DPP6: variants seen among roughly 807,000 people sequenced by gnomAD.
DPP6 encodes A-type potassium channel modulatory protein DPP6.
A neutral mutation model predicts 122.6 loss-of-function variants in DPP6; 69 were observed. The ratio of observed to expected loss-of-function variants is 0.56; its 90% CI spans 0.46 to 0.69. DPP6 has a LOEUF of 0.69. DPP6 is among the 30% of genes least tolerant of loss of function. The probability of loss-of-function intolerance (pLI) is 0.00; values close to 1 mark genes in which losing one functional copy is unlikely to be tolerated. For synonymous variants in DPP6, 418 were observed against 433.1 expected (o/e 0.97, Z 0.43); for missense variants, 928 against 1,116.9 (o/e 0.83, Z 2.41).
intron 1 of DPP6, among the ~76,000 whole-genome samples, chr7:154,356,744 C>A (rs895840776): frequency 5.9e-5 from 9 of 152,006 alleles, no homozygotes; most frequent in Non-Finnish European, 5.9e-5. Flanking sequence ...CATTTTCCTG[C>A]AAATGTTTCT....
At chr7:154,723,662 C>A (rs1436141141) in intron 7 of DPP6, among the ~76,000 whole-genome samples, 2 of 152,158 alleles carry the variant, frequency 1.3e-5, no homozygotes, top group Non-Finnish European at 2.9e-5. Context: ...CAGATCCATC[C>A]CTCTGTGGGA....
intron 7 of DPP6, among the ~76,000 whole-genome samples, chr7:154,687,661 A>G (rs887938697): frequency 6.6e-6 from 1 of 152,038 alleles, no homozygotes; most frequent in Non-Finnish European, 1.5e-5. Context: ...TTTCACTCTT[A>G]TTTTGATATT....
chr7:153,884,745 C>T (rs917449888), upstream of DPP6, among the ~76,000 whole-genome samples: 12 of 151,836 alleles, frequency 7.9e-5, no homozygotes, highest in Non-Finnish European at 1.0e-4. Context: ...TTGGGGAGGC[C>T]GAGGTGGGCA....
intron 1 of DPP6, among the ~76,000 whole-genome samples, chr7:153,906,186 C>T (rs1585012026): frequency 6.6e-6 from 1 of 152,182 alleles, no homozygotes; most frequent in South Asian, 2.1e-4. Context: ...AAGAGCTAAG[C>T]ATTCTTTATT....
chr7:154,081,922 A>C (rs1286321240), intron 1 of DPP6, among the ~76,000 whole-genome samples: 2 of 152,168 alleles, frequency 1.3e-5, no homozygotes, highest in Non-Finnish European at 2.9e-5. Context: ...GTCATTACTG[A>C]AGACTTTCTG....
At chr7:154,083,024 A>G (rs1293515665) in intron 1 of DPP6, among the ~76,000 whole-genome samples, 1 of 150,748 alleles carries the variant, frequency 6.6e-6, no homozygotes, top group Admixed American at 6.6e-5. Context: ...AATTTTTTGT[A>G]TTTTTTAGTA....
chr7:154,593,356 C>T (rs1832913460), intron 5 of DPP6, among the ~76,000 whole-genome samples: 1 of 152,152 alleles, frequency 6.6e-6, no homozygotes. Flanking sequence ...GGAAAGCTAC[C>T]TTCCTAGGAT....
At chr7:153,945,012 T>C (rs56371849) in intron 1 of DPP6, among the ~76,000 whole-genome samples, 56,312 of 151,934 alleles carry the variant, frequency 0.37, 10,763 homozygotes, top group African/African-American at 0.45. Context: ...CTTTGCCCTG[T>C]CCAAGATGTG....
At chr7:153,796,243 T>C in the DPP6 span, among the ~76,000 whole-genome samples, 3 of 130,554 alleles carry the variant, frequency 2.3e-5, no homozygotes, top group East Asian at 6.1e-4. Flanking sequence ...CCATTTCTCT[T>C]TGCAGATCTA....
intron 1 of DPP6, among the ~76,000 whole-genome samples, chr7:153,911,254 C>T (rs1407904838): frequency 6.6e-6 from 1 of 152,190 alleles, no homozygotes; most frequent in Non-Finnish European, 1.5e-5. Flanking sequence ...GCAGAGTGCT[C>T]TTCCTGTAGA....
At chr7:154,449,894 G>A (rs910684942) in intron 2 of DPP6, among the ~76,000 whole-genome samples, 3 of 151,988 alleles carry the variant, frequency 2.0e-5, no homozygotes, top group Non-Finnish European at 4.4e-5. Flanking sequence ...TGTAGTCCCA[G>A]CTACTTGGGA....
chr7:153,791,908 A>G, the DPP6 span, among the ~76,000 whole-genome samples: 2 of 152,242 alleles, frequency 1.3e-5, no homozygotes, highest in South Asian at 2.1e-4. Flanking sequence ...GGTGGGGACC[A>G]TGTGTATCTC....
At chr7:153,789,751 T>A in the DPP6 span, among the ~76,000 whole-genome samples, 2 of 152,188 alleles carry the variant, frequency 1.3e-5, no homozygotes, top group African/African-American at 4.8e-5. Context: ...CTGGGACTTT[T>A]ACCACTGTAT....
intron 1 of DPP6, among the ~76,000 whole-genome samples, chr7:154,366,317 G>A (rs1253112158): frequency 6.6e-6 from 1 of 152,110 alleles, no homozygotes; most frequent in Non-Finnish European, 1.5e-5. Context: ...TTAAAAAGCG[G>A]GGAAAAAGAT....
intron 7 of DPP6, among the ~76,000 whole-genome samples, chr7:154,715,085 A>G (rs2131318416): frequency 7.9e-6 from 1 of 127,140 alleles, no homozygotes; most frequent in South Asian, 2.6e-4. Context: ...TTATTTTTTG[A>G]GATGGAGTTT....
chr7:154,884,799 T>A (rs199912028), intron 21 of DPP6: 1 of 148,460 alleles, frequency 6.7e-6, no homozygotes, highest in Non-Finnish European at 1.5e-5. Context: ...ATGCACACAC[T>A]CTCACATGTA....
chr7:154,819,823 A>G (rs1799648787), intron 16 of DPP6, among the ~76,000 whole-genome samples: 1 of 152,272 alleles, frequency 6.6e-6, no homozygotes, highest in African/African-American at 2.4e-5. Flanking sequence ...AAGGGAATGT[A>G]ACATAATTGG....
chr7:154,242,181 T>C (rs903116842), intron 1 of DPP6, among the ~76,000 whole-genome samples: 4 of 152,204 alleles, frequency 2.6e-5, no homozygotes, highest in African/African-American at 9.7e-5. Context: ...TTATCCAGTC[T>C]TGCTACCTAC....
the DPP6 span, among the ~76,000 whole-genome samples, chr7:153,810,723 C>T: frequency 2.2e-5 from 3 of 137,526 alleles, no homozygotes; most frequent in African/African-American, 8.3e-5. Flanking sequence ...TCAGTAAGCA[C>T]CAGGATACCT....
Sources: allele counts gnomAD v4.1 joint callset (sites outside exome capture counted in the v4.1 genomes callset), GRCh38; gene constraint gnomAD v4.1.1; transcripts MANE v1.5; gene names NCBI Gene and HGNC (gene_info 2026-07-23, HGNC 2026-07-21).